Variants in LINGO2 observed in about 807,000 individuals in gnomAD.
The protein encoded by LINGO2 is leucine-rich repeat and immunoglobulin-like domain-containing nogo receptor-interacting protein 2.
A neutral mutation model predicts 30.6 loss-of-function variants in LINGO2; 14 were observed. The observed-to-expected ratio is 0.46, with a 90% confidence interval of 0.30 to 0.72. The LOEUF is 0.72. LINGO2 is among the 30% of genes least tolerant of loss of function. The pLI is 0.07. For missense variants in LINGO2, 729 were observed against 751.7 expected (o/e 0.97, Z 0.35); for synonymous variants, 317 against 288.5 (o/e 1.10, Z -1.00).
chr9:29,110,481 C>T, the LINGO2 span, among the ~76,000 whole-genome samples: 6 of 151,156 alleles, frequency 4.0e-5, no homozygotes, highest in Non-Finnish European at 7.4e-5. Context: ...TACAGGCGCC[C>T]GCCGCCACGC....
At chr9:28,539,046 A>G (rs1356754011) in intron 1 of LINGO2, among the ~76,000 whole-genome samples, 1 of 151,746 alleles carries the variant, frequency 6.6e-6, no homozygotes, top group Non-Finnish European at 1.5e-5. Flanking sequence ...TATTTTTCTT[A>G]AAAACAAATA....
the LINGO2 span, among the ~76,000 whole-genome samples, chr9:28,862,755 T>G: frequency 6.6e-6 from 1 of 152,074 alleles, no homozygotes; most frequent in African/African-American, 2.4e-5. Flanking sequence ...ACCATTGAAC[T>G]TAAATAAGAC....
the LINGO2 span, among the ~76,000 whole-genome samples, chr9:28,696,677 G>C: frequency 6.6e-6 from 1 of 151,882 alleles, no homozygotes; most frequent in Non-Finnish European, 1.5e-5. Context: ...TCCATGCATA[G>C]TCAGAGATGA....
At chr9:28,789,210 T>C in the LINGO2 span, among the ~76,000 whole-genome samples, 2 of 152,128 alleles carry the variant, frequency 1.3e-5, no homozygotes, top group Non-Finnish European at 2.9e-5. Context: ...TAAGGTCCTA[T>C]GAGTCCTTTA....
At chr9:28,806,775 T>G in the LINGO2 span, among the ~76,000 whole-genome samples, 856 of 151,966 alleles carry the variant, frequency 5.6e-3, 6 homozygotes, top group African/African-American at 0.02. Context: ...TTTTACATAA[T>G]ACACTGGAGC....
intron 3 of LINGO2, among the ~76,000 whole-genome samples, chr9:28,303,383 T>C (rs2134217492): frequency 6.6e-6 from 1 of 152,204 alleles, no homozygotes; most frequent in Non-Finnish European, 1.5e-5. Flanking sequence ...GTGACCTAAC[T>C]CAACTAACAT....
At chr9:28,553,975 C>T (rs1408871528) in intron 1 of LINGO2, among the ~76,000 whole-genome samples, 1 of 151,968 alleles carries the variant, frequency 6.6e-6, no homozygotes, top group African/African-American at 2.4e-5. Flanking sequence ...ACCAGGCCTG[C>T]CCTAAAAGAG....
the LINGO2 span, among the ~76,000 whole-genome samples, chr9:28,984,873 C>T: frequency 3.9e-5 from 6 of 152,136 alleles, no homozygotes; most frequent in East Asian, 1.2e-3. Flanking sequence ...GTAGTGAGAA[C>T]ATTTTAAATT....
the LINGO2 span, among the ~76,000 whole-genome samples, chr9:29,043,608 T>A: frequency 1.4e-4 from 22 of 152,154 alleles, no homozygotes; most frequent in South Asian, 4.6e-3. Context: ...TATTACTAAG[T>A]AGTGCCTGCC....
At chr9:28,871,028 T>C in the LINGO2 span, among the ~76,000 whole-genome samples, 1 of 151,956 alleles carries the variant, frequency 6.6e-6, no homozygotes, top group Non-Finnish European at 1.5e-5. Context: ...ATTCTCCTTC[T>C]AGACATCTAC....
At chr9:28,226,142 A>G (rs970014536) in intron 4 of LINGO2, among the ~76,000 whole-genome samples, 1 of 152,212 alleles carries the variant, frequency 6.6e-6, no homozygotes, top group Non-Finnish European at 1.5e-5. Flanking sequence ...TTCTGAATAT[A>G]TCTCATTGGA....
the LINGO2 span, among the ~76,000 whole-genome samples, chr9:28,797,634 G>T: frequency 2.0e-5 from 3 of 151,916 alleles, no homozygotes; most frequent in Non-Finnish European, 4.4e-5. Flanking sequence ...ACCTAAAGTT[G>T]GAGGATATGA....
the LINGO2 span, among the ~76,000 whole-genome samples, chr9:29,102,087 T>C: frequency 1.1e-5 from 1 of 89,094 alleles, no homozygotes; most frequent in Non-Finnish European, 2.4e-5. Flanking sequence ...TCTGCATCTT[T>C]TTTTTTTTTT....
intron 5 of LINGO2, among the ~76,000 whole-genome samples, chr9:27,964,344 A>C (rs964110798): frequency 3.3e-5 from 5 of 152,256 alleles, no homozygotes; most frequent in Non-Finnish European, 4.4e-5. Flanking sequence ...AATACCTTTC[A>C]ATTAGCTATA....
At chr9:28,747,540 G>A in the LINGO2 span, among the ~76,000 whole-genome samples, 1 of 152,024 alleles carries the variant, frequency 6.6e-6, no homozygotes, top group Non-Finnish European at 1.5e-5. Context: ...TGGACTTCAG[G>A]AGCTGCAGAC....
At chr9:28,716,275 A>T in the LINGO2 span, among the ~76,000 whole-genome samples, 1 of 151,962 alleles carries the variant, frequency 6.6e-6, no homozygotes, top group Non-Finnish European at 1.5e-5. Context: ...TTAATTTTTT[A>T]CAAAGAGAAA....
chr9:28,103,665 G>T (rs1274644626), intron 4 of LINGO2, among the ~76,000 whole-genome samples: 2 of 152,130 alleles, frequency 1.3e-5, no homozygotes, highest in African/African-American at 4.8e-5. Context: ...AATCAAGATT[G>T]CTGACCAAAA....
chr9:28,345,431 T>C (rs78766712), intron 3 of LINGO2, among the ~76,000 whole-genome samples: 9,634 of 152,142 alleles, frequency 0.063, 533 homozygotes, highest in African/African-American at 0.15. Flanking sequence ...ATCAAACTGC[T>C]AGAACGCCAG....
At chr9:28,855,618 C>T in the LINGO2 span, among the ~76,000 whole-genome samples, 2 of 151,840 alleles carry the variant, frequency 1.3e-5, no homozygotes, top group East Asian at 1.9e-4. Flanking sequence ...GATTGATACA[C>T]ATGCCAAAGA....
Sources: gnomAD v4.1 joint callset for allele counts (sites outside exome capture counted in the v4.1 genomes callset) on GRCh38, gnomAD v4.1.1 for gene constraint, MANE v1.5 for transcripts, NCBI Gene and HGNC (gene_info 2026-07-23, HGNC 2026-07-21) for gene names.